TNRC6C: variants seen among roughly 807,000 people sequenced by gnomAD.
The protein encoded by TNRC6C is trinucleotide repeat containing adaptor 6C.
TNRC6C carries 20 observed loss-of-function variants against 153.7 expected under a neutral mutation model. The ratio of observed to expected loss-of-function variants is 0.13; its 90% CI spans 0.09 to 0.19. The LOEUF is 0.19. Ranked by LOEUF, TNRC6C falls within the 10% of genes least tolerant of loss-of-function variation. The pLI, the probability that TNRC6C is intolerant of heterozygous loss-of-function variation, is 1.00. For synonymous variants in TNRC6C, 811 were observed against 841.4 expected (o/e 0.96, Z 0.63); for missense variants, 1,987 against 2,172.0 (o/e 0.91, Z 1.69).
At chr17:78,103,273 A>G (rs1318093692) in intron 18 of TNRC6C, 141 bp from the exon 22 acceptor site, 3 of 1,017,862 alleles carry the variant, frequency 2.9e-6, no homozygotes, top group Non-Finnish European at 4.2e-6. Flanking sequence ...TTAATGTTGT[A>G]AAACCACATA....
chr17:78,012,201 A>T (rs1283193852), intron 1 of TNRC6C: 2 of 152,236 alleles, frequency 1.3e-5, no homozygotes, highest in African/African-American at 4.8e-5. Flanking sequence ...TAAATGAGCT[A>T]AATATTAGTC....
At chr17:78,002,289 A>G (rs9896371), upstream of TNRC6C, among the ~76,000 whole-genome samples, 66,640 of 151,852 alleles carry the variant, frequency 0.44, 16,062 homozygotes, top group African/African-American at 0.64. Flanking sequence ...TGCCCTGAAG[A>G]GTAACAGATT....
rs2072957311 is a variant in TNRC6C at position 78,069,835 on chromosome 17, T to C, written c.2779-1250T>C. 2.0e-5 allele frequency among the ~76,000 whole-genome samples: 3 copies of C among 152,026 alleles called. No individual in the cohort carries two copies. In the South Asian group the frequency reaches 6.2e-4, roughly 32 times the overall value. ...TGTGGGGTAGGAGGAAGAAAACGTGTGTGTGTGTATGTGAGTGTGTGTATG... is the reference window on the plus strand; with the variant it reads ...TGTGGGGTAGGAGGAAGAAAACGTGCGTGTGTGTATGTGAGTGTGTGTATG... On this transcript the variant is annotated intron_variant, in intron 5 of 19. Transcript: ENST00000301624.
intron 1 of TNRC6C, among the ~76,000 whole-genome samples, chr17:77,983,115 A>G (rs2071104832): frequency 6.6e-6 from 1 of 152,184 alleles, no homozygotes. Context: ...TCACAGACCA[A>G]CTTTCATATT....
chr17:78,083,581 C>G (rs370052034), intron 11 of TNRC6C, among the ~76,000 whole-genome samples: 70 of 152,272 alleles, frequency 4.6e-4, no homozygotes, highest in African/African-American at 1.5e-3. Context: ...GAGCTCTCAG[C>G]CAGAGTTTCT....
chr17:78,039,318 C>A (rs1039771240), intron 2 of TNRC6C, among the ~76,000 whole-genome samples: 12 of 148,958 alleles, frequency 8.1e-5, no homozygotes, highest in African/African-American at 2.8e-4. Flanking sequence ...TGCCCCCCCC[C>A]CCCACTCCCT....
At chr17:78,098,627 C>T (rs768196752) in intron 17 of TNRC6C, 90 bp downstream of exon 20, 219 of 1,409,820 alleles carry the variant, frequency 1.6e-4, no homozygotes, top group Non-Finnish European at 2.0e-4. Context: ...TTGTAAGGAC[C>T]CCTGCCTGTA....
At chr17:78,107,097 A>G (rs1030267001) in exon 20 of TNRC6C, 1 of 152,138 alleles carries the variant, frequency 6.6e-6, no homozygotes, top group African/African-American at 2.4e-5. Context: ...TGTATATCCA[A>G]TATGTGTGCG....
At chr17:78,062,030 G>A (rs1229818524) in intron 3 of TNRC6C, among the ~76,000 whole-genome samples, 3 of 152,154 alleles carry the variant, frequency 2.0e-5, no homozygotes, top group Non-Finnish European at 2.9e-5. Context: ...TATTTTTATA[G>A]CTAATTGGTC....
At chr17:77,961,778 T>C (rs2070864992) in intron 1 of TNRC6C, among the ~76,000 whole-genome samples, 1 of 152,210 alleles carries the variant, frequency 6.6e-6, no homozygotes, top group African/African-American at 2.4e-5. Context: ...ACTGTTTCGT[T>C]TGACATTCGG....
intron 5 of TNRC6C, among the ~76,000 whole-genome samples, chr17:78,068,180 G>A (rs1016290534): frequency 6.6e-6 from 1 of 152,210 alleles, no homozygotes; most frequent in African/African-American, 2.4e-5. Context: ...TATTGTAGCA[G>A]AGAATGTGCA....
chr17:78,097,135 G>T (rs982138132), intron 16 of TNRC6C, among the ~76,000 whole-genome samples: 1 of 152,196 alleles, frequency 6.6e-6, no homozygotes. Flanking sequence ...GGATCACTGA[G>T]CCCAGGAGGT....
chr17:77,975,117 G>GA lies in TNRC6C; in HGVS notation c.-38+15856dup, dbSNP rs550548933. On this transcript the variant is annotated intron_variant, in intron 1 of 22. Transcript: ENST00000636222. ...TTTCTTTAAGTCTCATGTATGGGGG[G>GA]AAAAAAATTCTTCCATGCATCTTTT... 5.9e-5 allele frequency among the ~76,000 whole-genome samples: 9 copies of GA among 152,134 alleles called. No individual in the cohort carries two copies. In the South Asian group the frequency reaches 1.9e-3, roughly 32 times the overall value.
chr17:78,094,414 G>A (rs2073446768), intron 16 of TNRC6C, among the ~76,000 whole-genome samples: 1 of 150,538 alleles, frequency 6.6e-6, no homozygotes, highest in East Asian at 1.9e-4. Flanking sequence ...TTGGAGCCAT[G>A]TGTTTTGTGT....
chr17:78,073,124 G>A, intron 7 of TNRC6C, 30 bp downstream of exon 9: 3 of 1,527,814 alleles, frequency 2.0e-6, no homozygotes, highest in Non-Finnish European at 2.7e-6. Context: ...TTTTAAAAAG[G>A]TACCCAGCTG....
intron 1 of TNRC6C, among the ~76,000 whole-genome samples, chr17:77,959,907 T>G (rs1267936609): frequency 6.6e-6 from 1 of 152,200 alleles, no homozygotes; most frequent in Admixed American, 6.5e-5. Context: ...GGACGAGATT[T>G]AATTAATTGA....
chr17:78,034,867 G>A (rs2072148619), intron 2 of TNRC6C, among the ~76,000 whole-genome samples: 1 of 152,176 alleles, frequency 6.6e-6, no homozygotes, highest in African/African-American at 2.4e-5. Context: ...TACTCAAGAG[G>A]CTGAGGTGGG....
intron 5 of TNRC6C, among the ~76,000 whole-genome samples, chr17:78,070,349 G>A (rs1429722114): frequency 6.6e-6 from 1 of 152,198 alleles, no homozygotes; most frequent in African/African-American, 2.4e-5. Flanking sequence ...TATAGCTGTG[G>A]CAGGCTCAAT....
At chr17:78,070,493 A>T (rs4789528) in intron 5 of TNRC6C, among the ~76,000 whole-genome samples, 32,594 of 151,894 alleles carry the variant, frequency 0.21, 3,923 homozygotes, top group African/African-American at 0.32. Flanking sequence ...TGTGGTGCCG[A>T]GCCCTCCCCC....
Sources: gnomAD v4.1 joint callset for allele counts (sites outside exome capture counted in the v4.1 genomes callset) on GRCh38, gnomAD v4.1.1 for gene constraint, MANE v1.5 for transcripts, NCBI Gene and HGNC (gene_info 2026-07-23, HGNC 2026-07-21) for gene names.